CAP2: variants seen among roughly 807,000 people sequenced by gnomAD.
The protein encoded by CAP2 is adenylyl cyclase-associated protein 2.
A neutral mutation model predicts 57.7 loss-of-function variants in CAP2; 24 were observed. That is an observed-to-expected ratio of 0.42 (90% confidence interval 0.30 to 0.58). CAP2 has a LOEUF of 0.58. CAP2 is among the 20% of genes least tolerant of loss of function. The probability of loss-of-function intolerance (pLI) is 0.22; values close to 1 mark genes in which losing one functional copy is unlikely to be tolerated. For synonymous variants in CAP2, 194 were observed against 207.2 expected, an observed-to-expected ratio of 0.94 and a Z score of 0.55; for missense variants, 501 against 590.3, an observed-to-expected ratio of 0.85 and a Z score of 1.57.
chr6:17,404,477 T>C (rs1440023620), intron 1 of CAP2, among the ~76,000 whole-genome samples: 8 of 151,800 alleles, frequency 5.3e-5, no homozygotes, highest in South Asian at 2.1e-4. Context: ...TGGTGGCGAG[T>C]GCCTGTAGTC....
Position 17,439,761 on chromosome 6 carries a change from G to T in CAP2, c.222+13071G>T, listed in dbSNP as rs1258176036. Among the ~76,000 whole-genome samples, 4 of 151,318 alleles carry T rather than the reference G, an allele frequency of 2.6e-5. No individual in the cohort carries two copies. The South Asian group carries it at 8.3e-4, about 31-fold the overall frequency. On this transcript the variant is annotated intron_variant, in intron 3 of 12. Transcript: ENST00000229922. Reference sequence around the variant, plus strand: ...TAATGCCATTGCTGATCTCACAGGTGGTGGAGCTCGGGCGGTAATGCAAGC... The same window carrying T: ...TAATGCCATTGCTGATCTCACAGGTTGTGGAGCTCGGGCGGTAATGCAAGC...
At chr6:17,428,788 TA>T (rs921183430) in intron 3 of CAP2, among the ~76,000 whole-genome samples, 33 of 151,546 alleles carry the variant, frequency 2.2e-4, no homozygotes, top group African/African-American at 8.0e-4. Flanking sequence ...AAAAAAAAGT[TA>T]AAAAAAGTAT....
intron 12 of CAP2, among the ~76,000 whole-genome samples, chr6:17,553,992 C>T (rs561899385): frequency 6.6e-6 from 1 of 152,370 alleles, no homozygotes; most frequent in East Asian, 1.9e-4. Context: ...GCTGCACAAA[C>T]ACACACGTTA....
At chr6:17,410,933 T>C (rs1397296217) in intron 1 of CAP2, among the ~76,000 whole-genome samples, 4 of 152,224 alleles carry the variant, frequency 2.6e-5, no homozygotes, top group Admixed American at 6.5e-5. Flanking sequence ...TAAACCTTTT[T>C]TGAGTTATAA....
intron 3 of CAP2, among the ~76,000 whole-genome samples, chr6:17,444,598 G>A (rs565099810): frequency 5.9e-5 from 8 of 135,350 alleles, no homozygotes; most frequent in African/African-American, 2.3e-4. Flanking sequence ...CCGAGATCGC[G>A]CCACTGCACT....
chr6:17,541,210 A>G, intron 9 of CAP2, 62 bp downstream of exon 9: 1 of 1,295,940 alleles, frequency 7.7e-7, no homozygotes, highest in South Asian at 1.4e-5. Flanking sequence ...CCAACAGCCA[A>G]ACCATTTACC....
At chr6:17,405,113 T>A (rs1179031554) in intron 1 of CAP2, among the ~76,000 whole-genome samples, 1 of 152,130 alleles carries the variant, frequency 6.6e-6, no homozygotes, top group Non-Finnish European at 1.5e-5. Context: ...CCGGGTGTAG[T>A]GGGGCACGCC....
chr6:17,530,897 G>C (rs992510914), intron 7 of CAP2: 5 of 1,294,264 alleles, frequency 3.9e-6, no homozygotes, highest in African/African-American at 1.5e-5. Context: ...AGACACCTTA[G>C]TTCATTCTTC....
At chr6:17,476,272 C>T (rs1365710713) in intron 4 of CAP2, among the ~76,000 whole-genome samples, 1 of 152,148 alleles carries the variant, frequency 6.6e-6, no homozygotes, top group African/African-American at 2.4e-5. Context: ...AACTGCAGTA[C>T]AGCTCATAAA....
intron 3 of CAP2, among the ~76,000 whole-genome samples, chr6:17,447,439 G>T (rs958214818): frequency 3.3e-5 from 5 of 152,152 alleles, no homozygotes; most frequent in Admixed American, 3.3e-4. Context: ...TTTGTGGAGG[G>T]TCTGCTAGGT....
intron 4 of CAP2, among the ~76,000 whole-genome samples, chr6:17,484,917 A>T (rs1761384154): frequency 6.6e-6 from 1 of 152,180 alleles, no homozygotes; most frequent in Non-Finnish European, 1.5e-5. Flanking sequence ...ACCAAAGATG[A>T]TTTTATTTCA....
chr6:17,522,080 G>T (rs1762405517), intron 7 of CAP2, among the ~76,000 whole-genome samples: 1 of 152,014 alleles, frequency 6.6e-6, no homozygotes, highest in Non-Finnish European at 1.5e-5. Flanking sequence ...CGGGACTCTA[G>T]CCTGGGCGAC....
chr6:17,501,000 G>A (rs1383293859), intron 4 of CAP2, among the ~76,000 whole-genome samples: 3 of 152,158 alleles, frequency 2.0e-5, no homozygotes, highest in Admixed American at 6.5e-5. Context: ...TTAAATGTAG[G>A]TGGAACCCAA....
At chr6:17,503,023 G>A (rs1761868045) in intron 4 of CAP2, among the ~76,000 whole-genome samples, 1 of 152,184 alleles carries the variant, frequency 6.6e-6, no homozygotes, top group Admixed American at 6.5e-5. Flanking sequence ...ATTTTTGGCA[G>A]CCATTAACAA....
chr6:17,532,682 AG>A, intron 7 of CAP2, among the ~76,000 whole-genome samples: 3 of 149,934 alleles, frequency 2.0e-5, no homozygotes, highest in Admixed American at 2.0e-4. Context: ...CAGGAGGTAG[AG>A]GTTGCAGTGA....
In CAP2 at chr6:17,463,108, G is replaced by A. The variant is rs770201772; in HGVS notation, c.300+35G>A. 4.2e-6 allele frequency: 6 copies of A among 1,444,138 alleles called. No individual in the cohort carries two copies. In the South Asian group the frequency reaches 4.6e-5, roughly 11 times the overall value. 89.5% of individuals were successfully genotyped at this position (1,444,138 alleles called of 1,614,324 possible). ...TGTCCTGAGAGGGAAGGTGTCCCAG[G>A]GTATGCGCAGTGTAAGATGGAAAAC... is the stretch of plus-strand genomic sequence containing the variant. On this transcript the variant is annotated intron_variant, in intron 4 of 12. Transcript: ENST00000229922.
chr6:17,517,271 G>A (rs1192025452), intron 7 of CAP2, among the ~76,000 whole-genome samples: 4 of 152,216 alleles, frequency 2.6e-5, no homozygotes, highest in Non-Finnish European at 5.9e-5. Context: ...ACAAATGCTA[G>A]CCTGTTAATT....
intron 7 of CAP2, among the ~76,000 whole-genome samples, chr6:17,533,517 A>C (rs1207424105): frequency 6.6e-6 from 1 of 151,878 alleles, no homozygotes; most frequent in Non-Finnish European, 1.5e-5. Context: ...AACAGAAGTG[A>C]ACTTTTGTAC....
intron 1 of CAP2, among the ~76,000 whole-genome samples, chr6:17,411,434 C>T (rs1202790192): frequency 6.6e-6 from 1 of 152,204 alleles, no homozygotes; most frequent in Non-Finnish European, 1.5e-5. Context: ...CCAATTCCTT[C>T]ATATTCTCAC....
Sources: gnomAD v4.1 joint callset for allele counts (sites outside exome capture counted in the v4.1 genomes callset) on GRCh38, gnomAD v4.1.1 for gene constraint, MANE v1.5 for transcripts, NCBI Gene and HGNC (gene_info 2026-07-23, HGNC 2026-07-21) for gene names.